Variants in ZNF804A observed in about 807,000 individuals in gnomAD.
ZNF804A encodes zinc finger protein 804A.
In ZNF804A, 2 loss-of-function variants were observed where a neutral mutation model predicts 16.5. The ratio of observed to expected loss-of-function variants is 0.12; its 90% CI spans 0.05 to 0.38. The LOEUF is 0.38. Ranked by LOEUF, ZNF804A falls within the 10% of genes least tolerant of loss-of-function variation. The probability of loss-of-function intolerance (pLI) is 0.99; values close to 1 mark genes in which losing one functional copy is unlikely to be tolerated. For synonymous variants in ZNF804A, 534 were observed against 489.6 expected (o/e 1.09, Z -1.20); for missense variants, 1,473 against 1,390.7 (o/e 1.06, Z -0.94).
At chr2:184,683,037 A>C (rs1339136265) in intron 1 of ZNF804A, among the ~76,000 whole-genome samples, 2 of 152,228 alleles carry the variant, frequency 1.3e-5, no homozygotes, top group African/African-American at 4.8e-5. Flanking sequence ...CCCTGTCTCA[A>C]AAAATAAAAT....
At chr2:184,865,255 A>C (rs1695862430) in intron 1 of ZNF804A, among the ~76,000 whole-genome samples, 1 of 151,962 alleles carries the variant, frequency 6.6e-6, no homozygotes, top group Non-Finnish European at 1.5e-5. Context: ...GTGAGGTCTG[A>C]AGTTTAGGTC....
At chr2:184,832,231 C>G (rs532337367) in intron 1 of ZNF804A, among the ~76,000 whole-genome samples, 1 of 152,024 alleles carries the variant, frequency 6.6e-6, no homozygotes, top group South Asian at 2.1e-4. Context: ...TCCTAGATAT[C>G]CAAATATCTC....
At chr2:184,656,263 T>C (rs927818164) in intron 1 of ZNF804A, among the ~76,000 whole-genome samples, 1 of 152,136 alleles carries the variant, frequency 6.6e-6, no homozygotes, top group African/African-American at 2.4e-5. Context: ...CCTCAAGAGA[T>C]AGTCTCTACA....
At chr2:184,742,731 A>AAT (rs778877348) in intron 1 of ZNF804A, among the ~76,000 whole-genome samples, 38 of 151,046 alleles carry the variant, frequency 2.5e-4, no homozygotes, top group Middle Eastern at 3.4e-3. Flanking sequence ...TAGATAAATA[A>AAT]ATATATATAT....
intron 1 of ZNF804A, among the ~76,000 whole-genome samples, chr2:184,790,632 C>T (rs561535928): frequency 6.6e-6 from 1 of 152,150 alleles, no homozygotes; most frequent in Admixed American, 6.5e-5. Context: ...GAGATGGAGT[C>T]TTGCTCTGTT....
chr2:184,866,028 C>T (rs1695872564), intron 1 of ZNF804A, among the ~76,000 whole-genome samples: 1 of 152,054 alleles, frequency 6.6e-6, no homozygotes, highest in South Asian at 2.1e-4. Flanking sequence ...GAGTCATTGC[C>T]AGGAATCCAC....
At chr2:184,672,675 T>C (rs560873817) in intron 1 of ZNF804A, among the ~76,000 whole-genome samples, 11 of 152,350 alleles carry the variant, frequency 7.2e-5, no homozygotes, top group Non-Finnish European at 1.6e-4. Context: ...AATGACTTTT[T>C]TTTTTTAGTG....
chr2:184,740,388 G>A (rs531867014), intron 1 of ZNF804A, among the ~76,000 whole-genome samples: 2 of 152,286 alleles, frequency 1.3e-5, no homozygotes, highest in Admixed American at 1.3e-4. Context: ...CCTCTTTACG[G>A]TGCTTACATA....
At chr2:184,858,616 AAT>A (rs1171559680) in intron 1 of ZNF804A, among the ~76,000 whole-genome samples, 1 of 151,996 alleles carries the variant, frequency 6.6e-6, no homozygotes, top group Non-Finnish European at 1.5e-5. Flanking sequence ...TACATATTTT[AAT>A]AGTGTGTTTT....
rs1482177115 is a variant in ZNF804A, at chr2:184,937,763, T to A, written c.2367T>A (p.Asn789Lys). The part of the protein sequence containing the change: ...YSSDESLNRQ[N>K]HLPEEFLRPP... The stretch of plus-strand genomic sequence containing the variant: ...CAGATGAAAGTTTAAATCGACAGAA[T>A]CATTTACCAGAAGAATTTTTGAGGC... Residue 789 changes from asparagine (N) to lysine (K), a missense_variant, in exon 4 of 4, where the codon AAT (asparagine) becomes AAA (lysine). Asn to Lys is a moderately conservative substitution (Grantham distance 94, BLOSUM62 0). Transcript: ENST00000302277. The A allele has an allele frequency of 1.2e-6, 2 of 1,613,976 alleles. No homozygotes were observed. Among genetic ancestry groups the A allele is most frequent in the South Asian group, 2.2e-5 (2 of 91,084 alleles).
Position 184,936,430 on chromosome 2 carries a change from A to G in ZNF804A, c.1034A>G (p.Asp345Gly). The G allele has an allele frequency of 1.2e-6, 2 of 1,613,964 alleles. No homozygotes were observed. The highest frequency in any genetic ancestry group is 1.7e-6 in the Non-Finnish European group (2 of 1,179,920). The change falls in exon 4 of 4, where the codon GAC (aspartate) becomes GGC (glycine). Residue 345 changes from aspartate (D) to glycine (G), a missense_variant. Transcript: ENST00000302277. ...CTAGAGAGTGTTGTTATTAATGAAG[A>G]CATACCTGTTAGTGGTAACAGTTTT... The part of the protein sequence containing the change: ...IPLESVVINE[D>G]IPVSGNSFEL...
chr2:184,900,743 T>C (rs1052991621), intron 2 of ZNF804A, among the ~76,000 whole-genome samples: 3 of 152,140 alleles, frequency 2.0e-5, no homozygotes, highest in Non-Finnish European at 4.4e-5. Context: ...TTGACACTTG[T>C]AAAAGAGAGC....
intron 1 of ZNF804A, among the ~76,000 whole-genome samples, chr2:184,764,658 T>C (rs1694089250): frequency 6.6e-6 from 1 of 152,204 alleles, no homozygotes; most frequent in African/African-American, 2.4e-5. Flanking sequence ...CACATCTTCA[T>C]TGCCAGTCAG....
intron 1 of ZNF804A, among the ~76,000 whole-genome samples, chr2:184,812,442 C>A (rs1437139670): frequency 2.0e-5 from 3 of 152,048 alleles, no homozygotes; most frequent in African/African-American, 7.2e-5. Context: ...TAAAAAAACA[C>A]AATGGAATAA....
chr2:184,934,610 TG>T (rs1489084035), intron 3 of ZNF804A, among the ~76,000 whole-genome samples: 1 of 152,106 alleles, frequency 6.6e-6, no homozygotes, highest in African/African-American at 2.4e-5. Context: ...TTACTTTTTG[TG>T]GTAATGAATA....
chr2:184,832,878 G>T (rs1471704793), intron 1 of ZNF804A, among the ~76,000 whole-genome samples: 6 of 151,794 alleles, frequency 4.0e-5, no homozygotes, highest in African/African-American at 1.5e-4. Flanking sequence ...ATTGCCAATA[G>T]AATTCATAAA....
At chr2:184,673,021 G>T (rs183634400) in intron 1 of ZNF804A, among the ~76,000 whole-genome samples, 4 of 151,652 alleles carry the variant, frequency 2.6e-5, no homozygotes, top group Admixed American at 2.6e-4. Flanking sequence ...TGCTGGAATT[G>T]AGTTTATAAA....
intron 2 of ZNF804A, among the ~76,000 whole-genome samples, chr2:184,869,831 A>C (rs1695945741): frequency 6.6e-6 from 1 of 152,014 alleles, no homozygotes; most frequent in African/African-American, 2.4e-5. Context: ...TGTTGCTTTG[A>C]ACTCTAAACT....
chr2:184,602,996 A>T (rs1345025795), intron 1 of ZNF804A, among the ~76,000 whole-genome samples: 1 of 152,148 alleles, frequency 6.6e-6, no homozygotes, highest in Non-Finnish European at 1.5e-5. Context: ...TTCACAGAAT[A>T]ATTTGATTAA....
Sources: allele counts gnomAD v4.1 joint callset (sites outside exome capture counted in the v4.1 genomes callset), GRCh38; gene constraint gnomAD v4.1.1; transcripts MANE v1.5; gene names NCBI Gene and HGNC (gene_info 2026-07-23, HGNC 2026-07-21).